MTF2: variants seen among roughly 807,000 people sequenced by gnomAD.
The protein encoded by MTF2 is metal-response element-binding transcription factor 2.
MTF2 carries 11 observed loss-of-function variants against 79.5 expected under a neutral mutation model. The observed-to-expected ratio is 0.14, with a 90% CI of 0.09 to 0.23. The LOEUF (loss-of-function observed/expected upper bound fraction) is 0.23. Among genes scored for constraint, MTF2 ranks in the 10% least tolerant of loss-of-function variants. The pLI, the probability that MTF2 is intolerant of heterozygous loss-of-function variation, is 1.00. For missense variants in MTF2, 486 were observed against 711.2 expected (o/e 0.68, Z 3.60); for synonymous variants, 208 against 232.8 (o/e 0.89, Z 0.97).
chr1:93,120,393 G>T, intron 8 of MTF2, 156 bp from the exon 9 acceptor site: 1 of 527,472 alleles, frequency 1.9e-6, no homozygotes, highest in Non-Finnish European at 3.0e-6. Context: ...CTATTTTCTA[G>T]TTATTTTTAT....
chr1:93,134,079 C>G lies in MTF2; in HGVS notation c.1320-12C>G. On this transcript the variant is annotated splice_polypyrimidine_tract_variant and intron_variant, in intron 13 of 14. Coordinates refer to ENST00000370298, the MANE Select transcript of MTF2 (RefSeq NM_007358.4). ...ATATAGTCGTTACACAATTTAAATT[C>G]TTTTGTCTCAGGAGAACTGAGGGAA... 3 of 1,592,226 alleles carry G rather than the reference C, an allele frequency of 1.9e-6. No homozygotes were observed. Among genetic ancestry groups the G allele is most frequent in the Non-Finnish European group, 2.6e-6 (3 of 1,167,040 alleles).
intron 9 of MTF2, among the ~76,000 whole-genome samples, chr1:93,123,664 T>C (rs1441908605): frequency 6.6e-6 from 1 of 152,048 alleles, no homozygotes. Context: ...TTTAATGGTA[T>C]TTTTTATTTT....
intron 7 of MTF2, among the ~76,000 whole-genome samples, chr1:93,118,940 T>C (rs1656359137): frequency 6.6e-6 from 1 of 152,280 alleles, no homozygotes; most frequent in Admixed American, 6.5e-5. Flanking sequence ...ATTTTCTTTC[T>C]GACCTTAGGG....
intron 14 of MTF2, among the ~76,000 whole-genome samples, chr1:93,135,592 G>A (rs1336316031): frequency 3.3e-5 from 5 of 152,102 alleles, no homozygotes; most frequent in Admixed American, 6.5e-5. Flanking sequence ...CCAGCACTTT[G>A]GGAGGCCAAG....
intron 1 of MTF2, among the ~76,000 whole-genome samples, chr1:93,088,991 A>G (rs184819299): frequency 3.3e-5 from 5 of 152,252 alleles, no homozygotes; most frequent in African/African-American, 1.2e-4. Flanking sequence ...GATGTTCTAT[A>G]AAACTGACTT....
At chr1:93,127,702 ATAGT>A (rs1291201197) in intron 10 of MTF2, among the ~76,000 whole-genome samples, 1 of 152,202 alleles carries the variant, frequency 6.6e-6, no homozygotes. Flanking sequence ...TGTGGTTATA[ATAGT>A]TAACACCATT....
At chr1:93,081,534 C>A (rs1480207682) in intron 1 of MTF2, among the ~76,000 whole-genome samples, 1 of 152,162 alleles carries the variant, frequency 6.6e-6, no homozygotes, top group East Asian at 1.9e-4. Context: ...CATGAACGAT[C>A]TTTGATGGTT....
chr1:93,100,613 ATTG>A (rs1459018970), intron 1 of MTF2, among the ~76,000 whole-genome samples: 2 of 152,046 alleles, frequency 1.3e-5, no homozygotes, highest in Non-Finnish European at 2.9e-5. Flanking sequence ...AGCTGTTTGT[ATTG>A]TTTCTAAAAC....
chr1:93,107,811 C>G (rs1655863866), intron 1 of MTF2, among the ~76,000 whole-genome samples: 1 of 151,392 alleles, frequency 6.6e-6, no homozygotes. Context: ...GACAGGTTCT[C>G]TCTCTGTTGC....
chr1:93,118,554 G>T (rs1364495841), intron 7 of MTF2, 114 bp downstream of exon 7: 6 of 616,272 alleles, frequency 9.7e-6, no homozygotes, highest in Non-Finnish European at 1.6e-5. Context: ...GAAAGGGGTT[G>T]TCTCAGAGGG....
rs1421358491 is a variant in MTF2 at position 93,101,579 on chromosome 1, T to TG, written c.6-8651_6-8650insG. 8.5e-3 allele frequency among the ~76,000 whole-genome samples: 882 copies of TG among 103,356 alleles called. 68 individuals are homozygous for TG. The highest frequency in any genetic ancestry group is 0.03 in the African/African-American group (853 of 28,214). The allele number at this position is 103,356 out of a possible 152,430, so 67.8% of individuals were successfully genotyped here. On this transcript the variant is annotated intron_variant, in intron 1 of 14. Transcript: ENST00000370298. ...TGTTGCTCAGGCTGGTTTTTTTTTT[T>TG]TTTTTTTTTTTTTTTTTTGAGACAG...
At chr1:93,104,763 A>T (rs901141120) in intron 1 of MTF2, among the ~76,000 whole-genome samples, 1 of 152,094 alleles carries the variant, frequency 6.6e-6, no homozygotes, top group South Asian at 2.1e-4. Flanking sequence ...CCTTAAATAT[A>T]GGCGTTTCTT....
At chr1:93,085,436 C>G (rs1487330778) in intron 1 of MTF2, among the ~76,000 whole-genome samples, 1 of 150,802 alleles carries the variant, frequency 6.6e-6, no homozygotes, top group Non-Finnish European at 1.5e-5. Flanking sequence ...CGTGGCTTCC[C>G]AAAGTGCTGG....
intron 14 of MTF2, among the ~76,000 whole-genome samples, chr1:93,135,483 G>A (rs1647353090): frequency 6.6e-6 from 1 of 151,906 alleles, no homozygotes; most frequent in Admixed American, 6.6e-5. Flanking sequence ...CTTTTTTGGG[G>A]CCTCTTACTA....
rs186468575 is a variant in MTF2, at chr1:93,097,867, G to A, written c.6-12363G>A. The stretch of plus-strand genomic sequence containing the variant: ...CCCGCCTCAGCCTCCCACAGTGCTG[G>A]GATTACAGGCATGAGCCACCATGCC... On this transcript the variant is annotated intron_variant, in intron 1 of 14. Transcript: ENST00000370298. Among the ~76,000 whole-genome samples the A allele has an allele frequency of 9.2e-5, 14 of 152,226 alleles. No individual in the cohort carries two copies. In the East Asian group the frequency reaches 2.7e-3, roughly 29 times the overall value.
rs1656225388 is a variant in MTF2, at chr1:93,115,781, T to C, written c.632+163T>C. ...TATTTTCATAAAAAAATAATTTTCA[T>C]CTAGTTTTTGATCATATCCACACAT... On this transcript the variant is annotated intron_variant, in intron 6 of 14. Coordinates refer to ENST00000370298, the MANE Select transcript of MTF2 (RefSeq NM_007358.4). Among the ~76,000 whole-genome samples, 5 of 152,222 alleles carry C rather than the reference T, an allele frequency of 3.3e-5. No homozygotes were observed. In the South Asian group the frequency reaches 8.3e-4, roughly 25 times the overall value.
intron 6 of MTF2, among the ~76,000 whole-genome samples, chr1:93,116,171 T>C (rs571439): frequency 0.88 from 134,542 of 152,170 alleles, 59,853 homozygotes; most frequent in East Asian, 0.95. Flanking sequence ...TATCCTCCTG[T>C]CTCAGCCTCC....
intron 14 of MTF2, among the ~76,000 whole-genome samples, chr1:93,135,242 G>A (rs1647339099): frequency 6.6e-6 from 1 of 152,160 alleles, no homozygotes; most frequent in African/African-American, 2.4e-5. Context: ...AAAGTGCCGG[G>A]ATTACAGGCG....
chr1:93,087,658 A>C (rs527351460), intron 1 of MTF2, among the ~76,000 whole-genome samples: 1 of 151,936 alleles, frequency 6.6e-6, no homozygotes, highest in East Asian at 1.9e-4. Flanking sequence ...GCCTGATTTC[A>C]TTCACCAGTT....
Sources: gnomAD v4.1 joint callset for allele counts (sites outside exome capture counted in the v4.1 genomes callset) on GRCh38, gnomAD v4.1.1 for gene constraint, MANE v1.5 for transcripts, NCBI Gene and HGNC (gene_info 2026-07-23, HGNC 2026-07-21) for gene names.